The following LOC102723971 variants were observed in gnomAD, a reference collection of about 807,000 sequenced individuals.
At chr9:135,616,725 G>A in the LOC102723971 span, 33 of 398,444 alleles carry the variant, frequency 8.3e-5, no homozygotes, top group East Asian at 1.4e-4. Flanking sequence ...AGGGGCGCTC[G>A]GATGTCCAGT....
the LOC102723971 span, among the ~76,000 whole-genome samples, chr9:135,617,637 G>T: frequency 2.0e-5 from 3 of 152,182 alleles, no homozygotes; most frequent in Admixed American, 1.3e-4. Context: ...CTCTCTGGGG[G>T]TCTCCACTGA....
chr9:135,615,846 GC>G, the LOC102723971 span, among the ~76,000 whole-genome samples: 4 of 152,172 alleles, frequency 2.6e-5, no homozygotes, highest in East Asian at 7.7e-4. Context: ...GCCACCCTGG[GC>G]CCACACCCCT....
the LOC102723971 span, among the ~76,000 whole-genome samples, chr9:135,615,726 A>G: frequency 3.3e-5 from 5 of 152,156 alleles, no homozygotes; most frequent in Non-Finnish European, 7.4e-5. Context: ...CCACTGGGCC[A>G]CGGGCCTGTG....
the LOC102723971 span, chr9:135,618,050 C>T: frequency 2.5e-6 from 1 of 398,756 alleles, no homozygotes. Context: ...AGATGGTGAG[C>T]ACTGTCCCCC....
the LOC102723971 span, among the ~76,000 whole-genome samples, chr9:135,619,824 C>T: frequency 6.6e-6 from 1 of 151,568 alleles, no homozygotes; most frequent in East Asian, 2.0e-4. Context: ...CCAGAGGCTG[C>T]CCCGAAAACG....
At chr9:135,614,687 G>C in the LOC102723971 span, among the ~76,000 whole-genome samples, 1 of 152,188 alleles carries the variant, frequency 6.6e-6, no homozygotes, top group Non-Finnish European at 1.5e-5. Context: ...CCCAGGCAGG[G>C]AGCAGGGTCC....
the LOC102723971 span, chr9:135,614,435 G>C: frequency 4.2e-5 from 16 of 379,730 alleles, no homozygotes; most frequent in Non-Finnish European, 5.1e-5. Context: ...GGGTGGGGCA[G>C]ACAGGGGGGT....
At chr9:135,616,497 A>G in the LOC102723971 span, 3 of 397,390 alleles carry the variant, frequency 7.5e-6, no homozygotes, top group Non-Finnish European at 1.3e-5. Flanking sequence ...CCCCTGGTGG[A>G]GAGCCCTGAG....
At chr9:135,616,807 C>T in the LOC102723971 span, 4 of 398,414 alleles carry the variant, frequency 1.0e-5, no homozygotes, top group Non-Finnish European at 4.4e-6. Context: ...GCTGTGCATC[C>T]TCTTGGTGGC....
chr9:135,615,565 T>C, the LOC102723971 span: 2 of 398,384 alleles, frequency 5.0e-6, no homozygotes, highest in South Asian at 2.6e-4. Flanking sequence ...CAAGCAACAG[T>C]GACAGTGTTC....
At chr9:135,619,062 A>AGGT in the LOC102723971 span, 1 of 399,576 alleles carries the variant, frequency 2.5e-6, no homozygotes, top group East Asian at 3.6e-5. Context: ...GACTGTCCCC[A>AGGT]GGTCCCCCTG....
At chr9:135,618,270 C>T in the LOC102723971 span, among the ~76,000 whole-genome samples, 1 of 152,090 alleles carries the variant, frequency 6.6e-6, no homozygotes, top group South Asian at 2.1e-4. Context: ...GGCTCAGAGA[C>T]GTTCGGTAAC....
At chr9:135,616,397 G>T in the LOC102723971 span, among the ~76,000 whole-genome samples, 1 of 152,194 alleles carries the variant, frequency 6.6e-6, no homozygotes, top group Non-Finnish European at 1.5e-5. Flanking sequence ...TGACCCTGGT[G>T]CCTGTGCCAG....
At chr9:135,616,365 G>A in the LOC102723971 span, among the ~76,000 whole-genome samples, 8 of 152,302 alleles carry the variant, frequency 5.3e-5, no homozygotes, top group African/African-American at 1.9e-4. Flanking sequence ...CACCCCCTGG[G>A]CATCGCCACC....
At chr9:135,619,258 C>T in the LOC102723971 span, among the ~76,000 whole-genome samples, 1 of 152,288 alleles carries the variant, frequency 6.6e-6, no homozygotes, top group African/African-American at 2.4e-5. Context: ...GGGCCTGGAG[C>T]ACACCCAGGG....
chr9:135,616,432 G>A, the LOC102723971 span, among the ~76,000 whole-genome samples: 1 of 152,282 alleles, frequency 6.6e-6, no homozygotes, highest in Admixed American at 6.5e-5. Context: ...TGAGTCTGGG[G>A]AGCTGACGCC....
the LOC102723971 span, among the ~76,000 whole-genome samples, chr9:135,617,229 C>T: frequency 0.15 from 22,352 of 152,220 alleles, 1,720 homozygotes; most frequent in African/African-American, 0.16. Flanking sequence ...GGGAGGGTGT[C>T]CCCATGCAGG....
the LOC102723971 span, among the ~76,000 whole-genome samples, chr9:135,617,738 G>A: frequency 7.1e-4 from 108 of 152,272 alleles, no homozygotes; most frequent in African/African-American, 2.4e-3. Context: ...GGTTGGGGCC[G>A]GTGCAATCAG....
chr9:135,616,518 C>T, the LOC102723971 span: 1 of 398,252 alleles, frequency 2.5e-6, no homozygotes, highest in East Asian at 3.6e-5. Context: ...AGGGCCACCA[C>T]GTCCTGGGAA....
Sources: allele counts gnomAD v4.1 joint callset (sites outside exome capture counted in the v4.1 genomes callset), GRCh38; gene constraint gnomAD v4.1.1; transcripts MANE v1.5.